EFCAB6: variants seen among roughly 807,000 people sequenced by gnomAD.
EFCAB6 encodes the protein EF-hand calcium binding domain 6.
EFCAB6 carries 156 observed loss-of-function variants against 169.8 expected under a neutral mutation model. The ratio of observed to expected loss-of-function variants is 0.92; its 90% confidence interval spans 0.81 to 1.05. The LOEUF is 1.05. Among genes scored for constraint, EFCAB6 ranks in the 50% least tolerant of loss-of-function variants. The pLI, the probability that EFCAB6 is intolerant of heterozygous loss-of-function variation, is 0.00. For synonymous variants in EFCAB6, 698 were observed against 676.4 expected (o/e 1.03, Z -0.50); for missense variants, 1,800 against 1,829.1 (o/e 0.98, Z 0.29).
Position 43,711,495 on chromosome 22 carries a change from A to T in EFCAB6, c.1011T>A (p.Ile337=), listed in dbSNP as rs1323603983. Residue 337 remains isoleucine, a synonymous_variant, in exon 10 of 32, where the codon ATT becomes ATA. Coordinates refer to ENST00000262726, the MANE Select transcript of EFCAB6 (RefSeq NM_022785.4). ...DTFVYQIPRR[I]FIQLMKRFGL... ...CTTACCTTTTCATTAACTGGATAAA[A>T]ATTCTTCTTGGTATTTGGTATACAA... 1.5e-5 allele frequency: 23 copies of T among 1,582,458 alleles called. No individual in the cohort carries two copies. Among genetic ancestry groups the T allele is most frequent in the Non-Finnish European group, 1.6e-5 (19 of 1,171,758 alleles).
intron 2 of EFCAB6, among the ~76,000 whole-genome samples, chr22:43,797,750 G>A (rs1360898471): frequency 6.6e-6 from 1 of 151,864 alleles, no homozygotes; most frequent in Non-Finnish European, 1.5e-5. Context: ...AGTGCTATTA[G>A]AACCAAGACC....
chr22:43,530,941 T>C lies in EFCAB6; in HGVS notation c.4257A>G (p.Pro1419=). 6.2e-7 allele frequency: 1 copy of C among 1,614,196 alleles called. No homozygotes were observed. Among genetic ancestry groups the C allele is most frequent in the Non-Finnish European group, 8.5e-7 (1 of 1,180,028 alleles). Residue 1419 remains proline, a synonymous_variant, in exon 31 of 32, where the codon CCA becomes CCG. Transcript: ENST00000262726. ...TACGCAGCAGAGCAGAGTAAAAAGA[T>C]GGCGTCTCCGCGCCGGCTTCTTTCT... ...HKMKEAGAET[P]SFYSALLRIQ...
chr22:43,749,570 T>C (rs1211463397), intron 6 of EFCAB6, among the ~76,000 whole-genome samples: 1 of 151,976 alleles, frequency 6.6e-6, no homozygotes, highest in Non-Finnish European at 1.5e-5. Flanking sequence ...CAGTTCACAA[T>C]AGGGTTCGTG....
chr22:43,593,542 C>T (rs1290428218), intron 23 of EFCAB6, among the ~76,000 whole-genome samples: 1 of 152,186 alleles, frequency 6.6e-6, no homozygotes, highest in Non-Finnish European at 1.5e-5. Flanking sequence ...TTGATTTATA[C>T]CAATCTTGCA....
chr22:43,600,315 G>T, intron 22 of EFCAB6, 52 bp from the exon 23 acceptor site: 1 of 1,574,934 alleles, frequency 6.3e-7, no homozygotes, highest in East Asian at 2.2e-5. Context: ...AGTAAGGTGT[G>T]CTGATGCTCA....
At chr22:43,784,676 T>TACAC (rs571679900) in intron 2 of EFCAB6, among the ~76,000 whole-genome samples, 791 of 63,048 alleles carry the variant, frequency 0.013, 50 homozygotes, top group Admixed American at 0.015. Context: ...TATACATATA[T>TACAC]ACACACACAC....
intron 2 of EFCAB6, among the ~76,000 whole-genome samples, chr22:43,807,067 T>C (rs1437572538): frequency 3.3e-5 from 5 of 152,180 alleles, no homozygotes; most frequent in Admixed American, 6.5e-5. Flanking sequence ...TGCTAGACAA[T>C]AAGTCCCTCC....
chr22:43,790,231 G>C (rs1311501562), intron 2 of EFCAB6, among the ~76,000 whole-genome samples: 1 of 152,154 alleles, frequency 6.6e-6, no homozygotes, highest in African/African-American at 2.4e-5. Context: ...AAGAGCCCTA[G>C]AGCCTCAGCA....
At chr22:43,556,413 A>G (rs1285675110) in intron 26 of EFCAB6, among the ~76,000 whole-genome samples, 1 of 152,182 alleles carries the variant, frequency 6.6e-6, no homozygotes, top group Non-Finnish European at 1.5e-5. Flanking sequence ...CAAGGTGACC[A>G]CACAAGAAAG....
rs761574431 is a variant in EFCAB6 at position 43,765,382 on chromosome 22, G to T, written c.363C>A (p.Ser121Arg). Residue 121 changes from serine to arginine, a missense_variant, in exon 5 of 32, where the codon AGC becomes AGA. By Grantham distance (110) the Ser-to-Arg change is moderately radical. Transcript: ENST00000262726. ...FQDVLAQIPL[S>R]TSGTVPYLAF... ...CAAGGTACGGTACAGTACCAGAGGTGCTAAGGGGGATCTACAGTCAAGGGA... is the reference window on the plus strand; with the variant it reads ...CAAGGTACGGTACAGTACCAGAGGTTCTAAGGGGGATCTACAGTCAAGGGA... 3 of 1,611,538 alleles carry T rather than the reference G, an allele frequency of 1.9e-6. No homozygotes were observed. Among genetic ancestry groups the T allele is most frequent in the East Asian group, 4.5e-5 (2 of 44,784 alleles).
intron 8 of EFCAB6, among the ~76,000 whole-genome samples, chr22:43,723,848 C>T (rs2059625254): frequency 6.6e-6 from 1 of 152,216 alleles, no homozygotes; most frequent in Non-Finnish European, 1.5e-5. Context: ...AATGTGGGGG[C>T]AGAGTCCGGA....
intron 27 of EFCAB6, chr22:43,552,427 A>C (rs2048433640): frequency 6.6e-6 from 1 of 152,140 alleles, no homozygotes; most frequent in Non-Finnish European, 1.5e-5. Context: ...TTCTACCAAC[A>C]GTGTAGAAGC....
chr22:43,552,296 T>C (rs2048427904), intron 27 of EFCAB6: 1 of 152,242 alleles, frequency 6.6e-6, no homozygotes, highest in Non-Finnish European at 1.5e-5. Flanking sequence ...GAATGATTTA[T>C]ATTCCTTGGG....
At chr22:43,801,716 A>G (rs533723301) in intron 2 of EFCAB6, among the ~76,000 whole-genome samples, 1 of 152,310 alleles carries the variant, frequency 6.6e-6, no homozygotes, top group Non-Finnish European at 1.5e-5. Context: ...GCCTCATGGT[A>G]ACTATAATGC....
In EFCAB6 at chr22:43,572,963, G is replaced by A. The variant is rs1009315215; in HGVS notation, c.3420+3334C>T. Among the ~76,000 whole-genome samples the A allele has an allele frequency of 2.6e-5, 4 of 152,226 alleles. No individual in the cohort carries two copies. The highest frequency in any genetic ancestry group is 7.2e-5 in the African/African-American group (3 of 41,470). ...GCTAGATGGAATCCATGCTTTAGAG[G>A]AAAATGAAGACCCCAGAGAATGCCA... On this transcript the variant is annotated intron_variant, in intron 26 of 31. Coordinates refer to ENST00000262726, the MANE Select transcript of EFCAB6 (RefSeq NM_022785.4). The surrounding 1 kb of genome is among the most constrained non-coding windows in gnomAD (Gnocchi z 4.0).
chr22:43,580,659 A>G lies in EFCAB6; in HGVS notation c.3033T>C (p.Ser1011=), dbSNP rs746079208. The change falls in exon 25 of 32, where the codon AGT becomes AGC. Residue 1011 remains serine, a splice_region_variant and synonymous_variant. Transcript: ENST00000262726. ...TEGELTHLLN[S]WGVSRHDNAI... is the part of the protein sequence containing the mutation. ...CATTATCATGCCGGCTGACTCCCCAACTTGTCCCAAAAGGAAGAAAAGAAC... is the reference window on the plus strand; with the variant it reads ...CATTATCATGCCGGCTGACTCCCCAGCTTGTCCCAAAAGGAAGAAAAGAAC... 7 of 1,613,450 alleles carry G rather than the reference A, an allele frequency of 4.3e-6. No individual in the cohort carries two copies. The highest frequency in any genetic ancestry group is 4.2e-6 in the Non-Finnish European group (5 of 1,179,810).
intron 2 of EFCAB6, among the ~76,000 whole-genome samples, chr22:43,786,036 T>G (rs1290846094): frequency 1.3e-5 from 2 of 152,180 alleles, no homozygotes. Flanking sequence ...CAGGACCAGA[T>G]GAGTTCACTA....
At chr22:43,742,730 G>A (rs921343788) in intron 6 of EFCAB6, among the ~76,000 whole-genome samples, 1 of 152,222 alleles carries the variant, frequency 6.6e-6, no homozygotes, top group Non-Finnish European at 1.5e-5. Context: ...GCCCTGCTCA[G>A]GGCCATATGC....
rs1430336824 is a variant in EFCAB6, at chr22:43,795,731, C to T, written c.-8+13264G>A. Reference sequence around the variant, plus strand: ...GTTTACACCACTCTACCCCCAGCCCCGAAGTACTCAGCACGTAACTGCTGC... The same window carrying T: ...GTTTACACCACTCTACCCCCAGCCCTGAAGTACTCAGCACGTAACTGCTGC... On this transcript the variant is annotated intron_variant, in intron 2 of 31. Coordinates refer to ENST00000262726, the MANE Select transcript of EFCAB6 (RefSeq NM_022785.4). The surrounding 1 kb of genome is among the most constrained non-coding windows in gnomAD (Gnocchi z 4.2). Among the ~76,000 whole-genome samples the T allele has an allele frequency of 2.0e-5, 3 of 152,008 alleles. No individual in the cohort carries two copies. The highest frequency in any genetic ancestry group is 1.9e-4 in the East Asian group (1 of 5,182).
Sources: gnomAD v4.1 joint callset for allele counts (sites outside exome capture counted in the v4.1 genomes callset) on GRCh38, gnomAD v4.1.1 for gene constraint, Gnocchi (gnomAD v3.1) non-coding constraint, MANE v1.5 for transcripts, NCBI Gene and HGNC (gene_info 2026-07-23, HGNC 2026-07-21) for gene names.